PBX3: variants seen among roughly 807,000 people sequenced by gnomAD.
The protein encoded by PBX3 is pre-B-cell leukemia transcription factor 3.
A neutral mutation model predicts 48.5 loss-of-function variants in PBX3; 14 were observed. The observed-to-expected ratio is 0.29, with a 90% CI of 0.19 to 0.45. The LOEUF (loss-of-function observed/expected upper bound fraction) is 0.45. PBX3 is among the 20% of genes least tolerant of loss of function. The pLI, the probability that PBX3 is intolerant of heterozygous loss-of-function variation, is 1.00. For missense variants in PBX3, 386 were observed against 546.7 expected (o/e 0.71, Z 2.93); for synonymous variants, 210 against 200.3 (o/e 1.05, Z -0.41).
rs1244054851 is a variant in PBX3, at chr9:125,791,297, G to GTCTATCTA, written c.274+42677_274+42678insATCTATCT. ...TACATTTTTATCTGTCTGTCTGTCTGTCTGTCTATCTATCTATCTATCTAT... is the reference window on the plus strand; with the variant it reads ...TACATTTTTATCTGTCTGTCTGTCTGTCTATCTATCTGTCTATCTATCTATCTATCTAT... On this transcript the variant is annotated intron_variant, in intron 2 of 8. Coordinates refer to ENST00000373489, the MANE Select transcript of PBX3 (RefSeq NM_006195.6). Among the ~76,000 whole-genome samples the GTCTATCTA allele has an allele frequency of 5.0e-3, 640 of 128,028 alleles. 3 individuals carry two copies. The highest frequency in any genetic ancestry group is 6.1e-3 in the South Asian group (26 of 4,296). 84.0% of individuals were successfully genotyped at this position (128,028 alleles called of 152,430 possible). A position where few individuals can be genotyped will look rare whatever the true frequency, so the allele number is the denominator to read the frequency against.
At position 125,804,993 on chromosome 9, in the gene PBX3, A is replaced by G. The variant is rs141042396; in HGVS notation, c.274+56370A>G. ...AAGAAGAAGAAGAGGAAGAAGACAG[A>G]TAAGCTTCTCATTGAGCTTTTATAT... On this transcript the variant is annotated intron_variant, in intron 2 of 8. Transcript: ENST00000373489. Among the ~76,000 whole-genome samples, 14 of 151,982 alleles carry G rather than the reference A, an allele frequency of 9.2e-5. No individual in the cohort carries two copies. The East Asian group carries it at 2.5e-3, about 27-fold the overall frequency.
intron 2 of PBX3, among the ~76,000 whole-genome samples, chr9:125,810,365 AGTGTGTGTGT>A (rs113025234): frequency 2.1e-5 from 3 of 145,518 alleles, no homozygotes; most frequent in Non-Finnish European, 1.5e-5. Flanking sequence ...AGCAGGAATG[AGTGTGTGTGT>A]GTGTGTGTGT....
chr9:125,766,206 C>G (rs1289085451), intron 2 of PBX3, among the ~76,000 whole-genome samples: 1 of 151,992 alleles, frequency 6.6e-6, no homozygotes. Flanking sequence ...CTGCTGAGTA[C>G]ATTAAATCTG....
chr9:125,747,707 G>T (rs1836232029), intron 1 of PBX3, 54 bp downstream of exon 1: 3 of 1,401,072 alleles, frequency 2.1e-6, no homozygotes, highest in Middle Eastern at 1.8e-4. Context: ...CCGGGCCCGC[G>T]GCCGAGTCGA....
intron 2 of PBX3, among the ~76,000 whole-genome samples, chr9:125,837,445 TG>T (rs1216676378): frequency 2.0e-5 from 3 of 150,700 alleles, no homozygotes; most frequent in African/African-American, 7.3e-5. Context: ...ACAAGAAACA[TG>T]ATGCTATTTG....
chr9:125,925,860 T>C (rs1447138488), intron 3 of PBX3, among the ~76,000 whole-genome samples: 2 of 152,250 alleles, frequency 1.3e-5, no homozygotes, highest in East Asian at 3.8e-4. Context: ...AAGTTGGATA[T>C]GCTATTTCTC....
chr9:125,754,537 A>G (rs1321776540), intron 2 of PBX3, among the ~76,000 whole-genome samples: 1 of 152,130 alleles, frequency 6.6e-6, no homozygotes, highest in African/African-American at 2.4e-5. Context: ...AATAATAAGT[A>G]ATTCTTGAAT....
At chr9:125,886,633 C>A (rs976083932) in intron 2 of PBX3, among the ~76,000 whole-genome samples, 4 of 152,084 alleles carry the variant, frequency 2.6e-5, no homozygotes, top group African/African-American at 7.2e-5. Flanking sequence ...ACGGAAAAAA[C>A]CAGCATAAAA....
chr9:125,841,534 T>C (rs904941339), intron 2 of PBX3, among the ~76,000 whole-genome samples: 2 of 152,190 alleles, frequency 1.3e-5, no homozygotes, highest in Non-Finnish European at 2.9e-5. Context: ...TCTACTTTTC[T>C]TCCTTTTTGC....
At chr9:125,907,418 A>G (rs986592007) in intron 2 of PBX3, among the ~76,000 whole-genome samples, 4 of 152,084 alleles carry the variant, frequency 2.6e-5, no homozygotes, top group Non-Finnish European at 5.9e-5. Flanking sequence ...AATGATATGA[A>G]GTAACTACTT....
At position 125,836,055 on chromosome 9, in the gene PBX3, C is replaced by G. The variant is rs150185974; in HGVS notation, c.275-79631C>G. 3.3e-4 allele frequency among the ~76,000 whole-genome samples: 51 copies of G among 152,252 alleles called. No homozygotes were observed. The East Asian group carries it at 9.8e-3, about 29-fold the overall frequency. On this transcript the variant is annotated intron_variant, in intron 2 of 8. Transcript: ENST00000373489. ...AAGAATGGAATCTTGTCATTTGTAA[C>G]AACATGGATGGAACGAGAGGACATT...
intron 5 of PBX3, among the ~76,000 whole-genome samples, chr9:125,936,134 G>A (rs1282377519): frequency 6.6e-6 from 1 of 152,062 alleles, no homozygotes; most frequent in Non-Finnish European, 1.5e-5. Flanking sequence ...CATGCTTTCA[G>A]GGTTTCTGAT....
chr9:125,748,476 C>T, intron 1 of PBX3, 74 bp from the exon 2 acceptor site: 2 of 1,568,206 alleles, frequency 1.3e-6, no homozygotes, highest in South Asian at 1.1e-5. Flanking sequence ...AATCTTGGGT[C>T]TAACTTAAAG....
intron 2 of PBX3, among the ~76,000 whole-genome samples, chr9:125,777,986 A>G (rs1588135900): frequency 7.2e-6 from 1 of 138,100 alleles, no homozygotes; most frequent in African/African-American, 2.8e-5. Context: ...TTTGAGATGG[A>G]GTGTCACTTC....
At chr9:125,863,844 A>AT (rs1348526789) in intron 2 of PBX3, among the ~76,000 whole-genome samples, 2 of 151,774 alleles carry the variant, frequency 1.3e-5, no homozygotes, top group Admixed American at 6.6e-5. Context: ...TACCTGAGCA[A>AT]TTTTTTTTCT....
chr9:125,903,840 A>T (rs928444015), intron 2 of PBX3, among the ~76,000 whole-genome samples: 6 of 151,906 alleles, frequency 3.9e-5, no homozygotes, highest in African/African-American at 1.4e-4. Context: ...GTAAAGAGTT[A>T]GTTCAGACTG....
intron 2 of PBX3, among the ~76,000 whole-genome samples, chr9:125,769,491 A>C (rs1422281364): frequency 6.6e-6 from 1 of 152,224 alleles, no homozygotes; most frequent in African/African-American, 2.4e-5. Flanking sequence ...TCTATACAGA[A>C]AGATTACCTT....
intron 2 of PBX3, among the ~76,000 whole-genome samples, chr9:125,831,427 GTT>G (rs573089500): frequency 1.4e-5 from 2 of 143,782 alleles, no homozygotes; most frequent in Non-Finnish European, 1.5e-5. Flanking sequence ...TAGCCAGAAT[GTT>G]TTTTTTTTTT....
At chr9:125,903,107 G>A (rs1294247462) in intron 2 of PBX3, among the ~76,000 whole-genome samples, 1 of 151,630 alleles carries the variant, frequency 6.6e-6, no homozygotes, top group African/African-American at 2.4e-5. Context: ...AGATTCATTT[G>A]TTTTGCAGCC....
Sources: allele counts gnomAD v4.1 joint callset (sites outside exome capture counted in the v4.1 genomes callset), GRCh38; gene constraint gnomAD v4.1.1; transcripts MANE v1.5; gene names NCBI Gene and HGNC (gene_info 2026-07-23, HGNC 2026-07-21).